Variants in SEMA3A observed in about 807,000 individuals in gnomAD.
SEMA3A encodes the protein semaphorin-3A.
In SEMA3A, 29 loss-of-function variants were observed where a neutral mutation model predicts 97.9. That is an observed-to-expected ratio of 0.30 (90% CI 0.22 to 0.40). The LOEUF (loss-of-function observed/expected upper bound fraction) is 0.40, where lower values mean the gene tolerates loss of function less well. Among genes scored for constraint, SEMA3A ranks in the 10% least tolerant of loss-of-function variants. The probability of loss-of-function intolerance (pLI) is 1.00; values close to 1 mark genes in which losing one functional copy is unlikely to be tolerated. For synonymous variants in SEMA3A, 321 were observed against 323.7 expected (o/e 0.99, Z 0.09); for missense variants, 763 against 951.3 (o/e 0.80, Z 2.60).
At chr7:84,188,579 C>T (rs12707628) in intron 1 of SEMA3A, among the ~76,000 whole-genome samples, 55,457 of 151,706 alleles carry the variant, frequency 0.37, 10,797 homozygotes, top group East Asian at 0.6. Flanking sequence ...CTATAAATGG[C>T]TGTAATAATG....
intron 2 of SEMA3A, among the ~76,000 whole-genome samples, chr7:84,357,980 G>A (rs1378750866): frequency 6.6e-6 from 1 of 152,120 alleles, no homozygotes; most frequent in Non-Finnish European, 1.5e-5. Context: ...TGTTGATGGG[G>A]TTGTTTGTTT....
intron 5 of SEMA3A, 123 bp downstream of exon 5, chr7:84,060,342 A>C: frequency 1.5e-6 from 1 of 676,756 alleles, no homozygotes; most frequent in Non-Finnish European, 2.5e-6. Context: ...AATATATCAC[A>C]ACTAATGTCC....
intron 4 of SEMA3A, among the ~76,000 whole-genome samples, chr7:84,109,536 G>T (rs771389057): frequency 1.3e-5 from 2 of 152,114 alleles, no homozygotes; most frequent in Non-Finnish European, 2.9e-5. Context: ...ATTCATTTGG[G>T]TCAAAAGACA....
chr7:84,087,081 A>G (rs1364787487), intron 4 of SEMA3A, among the ~76,000 whole-genome samples: 2 of 152,124 alleles, frequency 1.3e-5, no homozygotes, highest in African/African-American at 2.4e-5. Flanking sequence ...TACATTTGCT[A>G]TTAATTCTAT....
chr7:84,328,147 C>T (rs945265913), intron 2 of SEMA3A, among the ~76,000 whole-genome samples: 1 of 151,882 alleles, frequency 6.6e-6, no homozygotes, highest in Non-Finnish European at 1.5e-5. Context: ...TTTTTAAAAG[C>T]CAGTGTAATC....
At chr7:84,247,190 C>T in intron 3 of SEMA3A, among the ~76,000 whole-genome samples, 1 of 152,128 alleles carries the variant, frequency 6.6e-6, no homozygotes, top group African/African-American at 2.4e-5. Context: ...GCTAATTCTG[C>T]ATGGCAGTTA....
intron 1 of SEMA3A, among the ~76,000 whole-genome samples, chr7:84,411,108 AG>A (rs1388496936): frequency 6.6e-6 from 1 of 152,040 alleles, no homozygotes; most frequent in African/African-American, 2.4e-5. Context: ...AGACAGAGGG[AG>A]AGAAAATCCA....
intron 2 of SEMA3A, among the ~76,000 whole-genome samples, chr7:84,321,883 AAAAAAAAAAAAAAAAAG>A (rs1468515690): frequency 3.7e-5 from 5 of 133,428 alleles, no homozygotes; most frequent in East Asian, 2.4e-4. Context: ...AAAAAAAAAA[AAAAAAAAAAAAAAAAAG>A]AAGAAGAAGA....
intron 1 of SEMA3A, among the ~76,000 whole-genome samples, chr7:84,439,097 A>C (rs1805207901): frequency 6.6e-6 from 1 of 151,866 alleles, no homozygotes; most frequent in Non-Finnish European, 1.5e-5. Context: ...TGCTAAATCT[A>C]GTATGGAATT....
intron 1 of SEMA3A, among the ~76,000 whole-genome samples, chr7:84,389,923 C>A (rs1803497543): frequency 6.6e-6 from 1 of 151,920 alleles, no homozygotes; most frequent in Non-Finnish European, 1.5e-5. Context: ...TAAGTGATAG[C>A]CTGCAAAATA....
At chr7:84,273,056 A>G (rs1800192990) in intron 3 of SEMA3A, among the ~76,000 whole-genome samples, 1 of 152,102 alleles carries the variant, frequency 6.6e-6, no homozygotes, top group South Asian at 2.1e-4. Context: ...GAATGTTTCA[A>G]TATTATTTGT....
At chr7:84,125,032 A>G (rs982570929) in intron 3 of SEMA3A, among the ~76,000 whole-genome samples, 2 of 152,100 alleles carry the variant, frequency 1.3e-5, no homozygotes, top group African/African-American at 2.4e-5. Flanking sequence ...GAAGAAAAAT[A>G]TATTTTTCCT....
At chr7:84,344,080 C>G (rs1328967735) in intron 2 of SEMA3A, among the ~76,000 whole-genome samples, 1 of 151,650 alleles carries the variant, frequency 6.6e-6, no homozygotes, top group Non-Finnish European at 1.5e-5. Flanking sequence ...TCTGACTTTA[C>G]AAAAAATACA....
Position 84,194,426 on chromosome 7 carries a change from G to A in SEMA3A, c.112+49C>T, listed in dbSNP as rs778942744. ...GGAGGGAGTTCAAGGAATTAAGGGG[G>A]GGGGCGGTTATTACAAAGCTAACCA... On this transcript the variant is annotated intron_variant, in intron 1 of 16. Coordinates refer to ENST00000265362, the MANE Select transcript of SEMA3A (RefSeq NM_006080.3). 5 of 1,245,358 alleles carry A rather than the reference G, an allele frequency of 4.0e-6. No individual in the cohort carries two copies. In the South Asian group the frequency reaches 6.1e-5, roughly 15 times the overall value. The allele number at this position is 1,245,358 out of a possible 1,614,324, so 77.1% of individuals were successfully genotyped here.
At chr7:84,170,321 A>G (rs1797347315) in intron 1 of SEMA3A, among the ~76,000 whole-genome samples, 1 of 152,022 alleles carries the variant, frequency 6.6e-6, no homozygotes, top group African/African-American at 2.4e-5. Flanking sequence ...ACAAAATTAA[A>G]ATGTATATGA....
rs538419490 is a variant in SEMA3A, at chr7:84,335,981, C to G, written c.-168-28689G>C. On this transcript the variant is annotated intron_variant, in intron 2 of 3. Coordinates refer to the SEMA3A transcript ENST00000424555. Reference sequence around the variant, plus strand: ...CTGTCCATTTCAACTCAGATTAGCCCAGTTTAAGAATTCAGATGCCACATG... The same window carrying G: ...CTGTCCATTTCAACTCAGATTAGCCGAGTTTAAGAATTCAGATGCCACATG... Among the ~76,000 whole-genome samples, 99 of 151,944 alleles carry G rather than the reference C, an allele frequency of 6.5e-4. No individual in the cohort carries two copies. The South Asian group carries it at 6.6e-3, about 10-fold the overall frequency.
chr7:84,217,533 A>C (rs1798778299), intron 3 of SEMA3A, among the ~76,000 whole-genome samples: 2 of 152,178 alleles, frequency 1.3e-5, no homozygotes, highest in Admixed American at 6.5e-5. Context: ...TGTGGTGTTT[A>C]AATGTGCTAC....
intron 3 of SEMA3A, among the ~76,000 whole-genome samples, chr7:84,297,615 T>G (rs2115810109): frequency 6.6e-6 from 1 of 152,306 alleles, no homozygotes; most frequent in Admixed American, 6.5e-5. Flanking sequence ...AAGTCTCAAT[T>G]TTGTTAATAC....
intron 1 of SEMA3A, among the ~76,000 whole-genome samples, chr7:84,418,740 G>A (rs1025077150): frequency 6.6e-6 from 1 of 151,944 alleles, no homozygotes; most frequent in Admixed American, 6.6e-5. Flanking sequence ...GCCTCAGACT[G>A]AGGGCTGCAC....
Sources: allele counts gnomAD v4.1 joint callset (sites outside exome capture counted in the v4.1 genomes callset), GRCh38; gene constraint gnomAD v4.1.1; transcripts MANE v1.5; gene names NCBI Gene and HGNC (gene_info 2026-07-23, HGNC 2026-07-21).